Variants in TMEFF1 observed in about 807,000 individuals in gnomAD.
TMEFF1 encodes the protein tomoregulin-1.
TMEFF1 carries 20 observed loss-of-function variants against 47.5 expected under a neutral mutation model. The ratio of observed to expected loss-of-function variants is 0.42; its 90% confidence interval spans 0.30 to 0.61. The LOEUF is 0.61. Among genes scored for constraint, TMEFF1 ranks in the 20% least tolerant of loss-of-function variants. The pLI is 0.19. For synonymous variants in TMEFF1, 162 were observed against 166.3 expected (o/e 0.97, Z 0.20); for missense variants, 411 against 471.1 (o/e 0.87, Z 1.18).
intron 9 of TMEFF1, among the ~76,000 whole-genome samples, chr9:100,574,811 T>C (rs1012400967): frequency 6.6e-6 from 1 of 152,166 alleles, no homozygotes; most frequent in Non-Finnish European, 1.5e-5. Context: ...AAAGCCCCCT[T>C]ACAACAGTCT....
chr9:100,525,560 G>A (rs1260038744), intron 5 of TMEFF1, among the ~76,000 whole-genome samples: 3 of 149,590 alleles, frequency 2.0e-5, no homozygotes, highest in Admixed American at 6.8e-5. Flanking sequence ...GGAAGCTCCC[G>A]AACCCCCCGT....
At chr9:100,509,216 T>C in intron 3 of TMEFF1, 82 bp downstream of exon 3, 1 of 1,398,340 alleles carries the variant, frequency 7.2e-7, no homozygotes, top group Non-Finnish European at 9.3e-7. Flanking sequence ...CAGAGGTATA[T>C]TTCCACAACT....
intron 1 of TMEFF1, among the ~76,000 whole-genome samples, chr9:100,487,814 G>A (rs1412712753): frequency 6.6e-6 from 1 of 151,098 alleles, no homozygotes; most frequent in Non-Finnish European, 1.5e-5. Context: ...CTCAGATTTA[G>A]CACTTGGTCA....
At chr9:100,563,851 A>G (rs1587857644) in intron 8 of TMEFF1, among the ~76,000 whole-genome samples, 1 of 152,270 alleles carries the variant, frequency 6.6e-6, no homozygotes, top group South Asian at 2.1e-4. Flanking sequence ...CTTAAATGCT[A>G]AAGAATCCCT....
intron 1 of TMEFF1, among the ~76,000 whole-genome samples, chr9:100,492,910 G>T (rs1405256420): frequency 6.6e-6 from 1 of 152,140 alleles, no homozygotes; most frequent in Non-Finnish European, 1.5e-5. Context: ...ATATATTTAG[G>T]TTCCTCTACT....
At chr9:100,527,098 G>A (rs576419655) in intron 5 of TMEFF1, among the ~76,000 whole-genome samples, 13 of 150,636 alleles carry the variant, frequency 8.6e-5, no homozygotes, top group African/African-American at 3.2e-4. Context: ...AGCCAAAATC[G>A]CGCCACTGCA....
chr9:100,481,885 G>A (rs907675592), intron 1 of TMEFF1, among the ~76,000 whole-genome samples: 52 of 152,180 alleles, frequency 3.4e-4, no homozygotes, highest in African/African-American at 1.2e-3. Flanking sequence ...AGGTTCAAGC[G>A]ATTCTCCTGC....
intron 5 of TMEFF1, among the ~76,000 whole-genome samples, chr9:100,534,517 G>T (rs1838467654): frequency 1.3e-5 from 2 of 152,170 alleles, no homozygotes; most frequent in Non-Finnish European, 2.9e-5. Context: ...TGCTACGCTT[G>T]GCAGTCTGCA....
chr9:100,562,974 T>A (rs1480298102), intron 8 of TMEFF1, among the ~76,000 whole-genome samples: 1 of 152,198 alleles, frequency 6.6e-6, no homozygotes, highest in Non-Finnish European at 1.5e-5. Flanking sequence ...TACGCCACCA[T>A]GCCCAGCTAA....
intron 4 of TMEFF1, among the ~76,000 whole-genome samples, chr9:100,514,960 A>C (rs906138556): frequency 7.9e-5 from 12 of 152,066 alleles, no homozygotes; most frequent in African/African-American, 2.4e-4. Context: ...GCGCCACTGC[A>C]CTCCAGCCTG....
At chr9:100,495,368 A>G (rs541649893) in intron 1 of TMEFF1, among the ~76,000 whole-genome samples, 1 of 152,302 alleles carries the variant, frequency 6.6e-6, no homozygotes, top group African/African-American at 2.4e-5. Context: ...AGCCTTATTA[A>G]TTTTTCAAGG....
rs1250288110 is a variant in TMEFF1 at position 100,576,517 on chromosome 9, A to T, written c.1060A>T (p.Lys354Ter). The change falls in exon 10 of 10, where the codon AAA becomes TAA. Residue 354 changes from lysine (K) to a stop codon, truncating the protein, a stop_gained and splice_region_variant. Transcript: ENST00000374879. LOFTEE classifies it high-confidence loss of function. Reference sequence around the variant, plus strand: ...CTCTTTCTTTTTTTAATGCAACAGAAAATGCCCCAAAAACAATAGAGGACG... The same window carrying T: ...CTCTTTCTTTTTTTAATGCAACAGATAATGCCCCAAAAACAATAGAGGACG... ...IVAIVMCITR[K>*]CPKNNRGRRQ... 6.2e-7 allele frequency: 1 copy of T among 1,606,888 alleles called. No homozygotes were observed. The highest frequency in any genetic ancestry group is 1.3e-5 in the African/African-American group (1 of 74,576).
Position 100,576,763 on chromosome 9 carries a change from T to C in TMEFF1, c.*163T>C, listed in dbSNP as rs1839361232. 2.7e-6 allele frequency: 2 copies of C among 748,440 alleles called. No individual in the cohort carries two copies. 46.4% of individuals were successfully genotyped at this position (748,440 alleles called of 1,614,324 possible). A position where few individuals can be genotyped will look rare whatever the true frequency, so the allele number is the denominator to read the frequency against. ...TCAGCTACGACAGTTTTGGACTGTT[T>C]AGTAGTCTTTGTTTTATGTTTTTAA... is the stretch of plus-strand genomic sequence containing the variant. On this transcript the variant is annotated 3_prime_UTR_variant, in exon 10 of 10. Transcript: ENST00000374879.
At chr9:100,514,315 A>T (rs1385834998) in intron 4 of TMEFF1, among the ~76,000 whole-genome samples, 1 of 109,556 alleles carries the variant, frequency 9.1e-6, no homozygotes, top group African/African-American at 3.2e-5. Context: ...AGTTTCAGCT[A>T]AAAAAAAAAA....
chr9:100,480,979 G>A (rs1397821678), intron 1 of TMEFF1, among the ~76,000 whole-genome samples: 1 of 152,182 alleles, frequency 6.6e-6, no homozygotes, highest in East Asian at 1.9e-4. Flanking sequence ...TGGGCTGTAT[G>A]GGGAGAGTAG....
At chr9:100,497,961 A>G (rs527927810) in intron 1 of TMEFF1, among the ~76,000 whole-genome samples, 1 of 150,998 alleles carries the variant, frequency 6.6e-6, no homozygotes, top group East Asian at 1.9e-4. Flanking sequence ...GCCTAAGTGC[A>G]TTTGTTTTTG....
chr9:100,521,425 T>C (rs918048462), intron 5 of TMEFF1, among the ~76,000 whole-genome samples: 5 of 152,076 alleles, frequency 3.3e-5, no homozygotes, highest in South Asian at 2.1e-4. Context: ...CATAAGTGGG[T>C]TTCAGTATTT....
chr9:100,481,625 A>T (rs1587812098), intron 1 of TMEFF1, among the ~76,000 whole-genome samples: 1 of 152,228 alleles, frequency 6.6e-6, no homozygotes, highest in Non-Finnish European at 1.5e-5. Context: ...GAGTGACATT[A>T]TGGTTTTAGA....
Position 100,561,539 on chromosome 9 carries a change from AT to A in TMEFF1, c.899+20del. ...CTTGTAGGTAAGTCAGCGCTTCCAG[AT>A]CAGTGGTGAGCATTTTTTTTCATCA... On this transcript the variant is annotated intron_variant, in intron 8 of 9. Transcript: ENST00000374879. The A allele has an allele frequency of 6.2e-7, 1 of 1,602,510 alleles. No individual in the cohort carries two copies. The highest frequency in any genetic ancestry group is 8.5e-7 in the Non-Finnish European group (1 of 1,175,646).
Sources: gnomAD v4.1 joint callset for allele counts (sites outside exome capture counted in the v4.1 genomes callset) on GRCh38, gnomAD v4.1.1 for gene constraint, MANE v1.5 for transcripts, NCBI Gene and HGNC (gene_info 2026-07-23, HGNC 2026-07-21) for gene names.